The following OR56A3 variants were observed in gnomAD, a reference collection of about 807,000 sequenced individuals.
OR56A3 encodes the protein olfactory receptor family 56 subfamily A member 3, also known as olfactory receptor 56A3.
In OR56A3, 23 loss-of-function variants were observed where a neutral mutation model predicts 17.5. The observed-to-expected ratio is 1.32, with a 90% CI of 0.95 to 1.87. The LOEUF (loss-of-function observed/expected upper bound fraction) is 1.87, where lower values mean the gene tolerates loss of function less well. Among genes scored for constraint, OR56A3 ranks in the 40% most tolerant of loss-of-function variants. The pLI is 0.00. For missense variants in OR56A3, 366 were observed against 380.1 expected, an observed-to-expected ratio of 0.96 and a Z score of 0.31; for synonymous variants, 175 against 150.6, an observed-to-expected ratio of 1.16 and a Z score of -1.19.
chr11:5,943,834 C>T (rs544171129), intron 1 of OR56A3, among the ~76,000 whole-genome samples: 1 of 152,172 alleles, frequency 6.6e-6, no homozygotes, highest in Admixed American at 6.5e-5. Flanking sequence ...ATGCAATGAG[C>T]AAAGGAATAA....
the OR56A3 span, chr11:5,986,474 T>C: frequency 4.3e-6 from 7 of 1,613,798 alleles, no homozygotes; most frequent in South Asian, 2.2e-5. Flanking sequence ...GGATGCAGGA[T>C]TGTGGAATGG....
the OR56A3 span, among the ~76,000 whole-genome samples, chr11:5,976,571 TG>T: frequency 1.3e-5 from 2 of 152,220 alleles, no homozygotes; most frequent in Non-Finnish European, 2.9e-5. Flanking sequence ...GTCATCATTT[TG>T]ATTACTTGTG....
chr11:5,955,276 G>A (rs1847926528), downstream of OR56A3, among the ~76,000 whole-genome samples: 1 of 152,092 alleles, frequency 6.6e-6, no homozygotes, highest in South Asian at 2.1e-4. Flanking sequence ...GAAACAAGCT[G>A]ATCAGCTTGT....
the OR56A3 span, chr11:6,002,525 G>A: frequency 6.2e-7 from 1 of 1,614,208 alleles, no homozygotes; most frequent in Non-Finnish European, 8.5e-7. Context: ...GAGAAACAAA[G>A]GCATTCCGGG....
the OR56A3 span, among the ~76,000 whole-genome samples, chr11:6,015,953 T>C: frequency 0.063 from 9,608 of 152,202 alleles, 388 homozygotes; most frequent in South Asian, 0.088. Flanking sequence ...GAGAAGGACA[T>C]GAGATTTGCA....
the OR56A3 span, among the ~76,000 whole-genome samples, chr11:5,978,696 A>G: frequency 6.6e-6 from 1 of 151,900 alleles, no homozygotes; most frequent in South Asian, 2.1e-4. Flanking sequence ...TCCTATTTAG[A>G]TGCCTTTTCT....
At chr11:6,010,780 T>C in the OR56A3 span, among the ~76,000 whole-genome samples, 1 of 152,008 alleles carries the variant, frequency 6.6e-6, no homozygotes, top group Non-Finnish European at 1.5e-5. Context: ...ATCTGAGGGA[T>C]TTTTTTATTC....
At chr11:5,958,276 G>T in the OR56A3 span, among the ~76,000 whole-genome samples, 1 of 152,072 alleles carries the variant, frequency 6.6e-6, no homozygotes, top group Non-Finnish European at 1.5e-5. Flanking sequence ...ATAGATGACT[G>T]CAAACAAGGA....
the OR56A3 span, among the ~76,000 whole-genome samples, chr11:5,982,054 G>A: frequency 7.9e-5 from 12 of 152,268 alleles, 1 homozygote; most frequent in East Asian, 3.9e-4. Context: ...GGTGTTCTCC[G>A]TCCCGTGGCA....
chr11:6,003,066 T>C, the OR56A3 span: 7 of 1,613,226 alleles, frequency 4.3e-6, no homozygotes, highest in African/African-American at 1.3e-5. Flanking sequence ...ACATAAAAAG[T>C]ACATTCTAGA....
the OR56A3 span, among the ~76,000 whole-genome samples, chr11:5,985,538 T>G: frequency 6.6e-6 from 1 of 152,192 alleles, no homozygotes; most frequent in Admixed American, 6.5e-5. Flanking sequence ...CAGCACTAAC[T>G]TAGAGGTTTT....
chr11:5,988,453 T>C, the OR56A3 span, among the ~76,000 whole-genome samples: 1 of 152,176 alleles, frequency 6.6e-6, no homozygotes, highest in Non-Finnish European at 1.5e-5. Flanking sequence ...ATTCTAGGAA[T>C]AAAACCTTGG....
At chr11:5,952,728 T>C (rs1016127363), downstream of OR56A3, among the ~76,000 whole-genome samples, 2 of 152,152 alleles carry the variant, frequency 1.3e-5, no homozygotes, top group Non-Finnish European at 2.9e-5. Flanking sequence ...TGCTGGACTT[T>C]AGAGTGCCAA....
At chr11:5,957,023 T>C in the OR56A3 span, among the ~76,000 whole-genome samples, 1 of 152,114 alleles carries the variant, frequency 6.6e-6, no homozygotes, top group Admixed American at 6.6e-5. Flanking sequence ...ACATGGTGGC[T>C]TATGCCTGTA....
At chr11:5,986,631 A>C in the OR56A3 span, 2 of 1,613,928 alleles carry the variant, frequency 1.2e-6, no homozygotes, top group Non-Finnish European at 1.7e-6. Context: ...GGAGCACTGC[A>C]AGGGCTTTGG....
the OR56A3 span, among the ~76,000 whole-genome samples, chr11:5,998,702 A>G: frequency 6.6e-6 from 1 of 152,208 alleles, no homozygotes; most frequent in African/African-American, 2.4e-5. Flanking sequence ...GACAGCATTT[A>G]TGGACTCTGT....
In OR56A3 at chr11:5,947,485, A is replaced by T; in HGVS notation, c.139A>T (p.Thr47Ser). 1 of 1,613,818 alleles carries T rather than the reference A, an allele frequency of 6.2e-7. No homozygotes were observed. The highest frequency in any genetic ancestry group is 2.2e-5 in the East Asian group (1 of 44,846). ...LLFLLAVGAN[T>S]TLLMTIWLEA... is the part of the protein sequence containing the mutation. Reference sequence around the variant, plus strand: ...TTTCCTCTTGGCCGTAGGGGCCAACACCACCCTCCTGATGACCATCTGGCT... The same window carrying T: ...TTTCCTCTTGGCCGTAGGGGCCAACTCCACCCTCCTGATGACCATCTGGCT... The change falls in exon 3 of 3, where the codon ACC becomes TCC. Residue 47 changes from threonine to serine, a missense_variant. Physicochemically the swap from Thr to Ser is moderately conservative, Grantham distance 58. Transcript: ENST00000641160.
chr11:5,995,119 C>T, the OR56A3 span: 7,666 of 577,976 alleles, frequency 0.013, 406 homozygotes, highest in African/African-American at 0.12. Context: ...GCCCAGGGAC[C>T]GGTAGTTGGT....
the OR56A3 span, among the ~76,000 whole-genome samples, chr11:5,973,299 CATAAA>C: frequency 6.6e-6 from 1 of 152,066 alleles, no homozygotes; most frequent in African/African-American, 2.4e-5. Context: ...TCCCATTGTT[CATAAA>C]ATAAAACCAA....
Sources: gnomAD v4.1 joint callset for allele counts (sites outside exome capture counted in the v4.1 genomes callset) on GRCh38, gnomAD v4.1.1 for gene constraint, MANE v1.5 for transcripts, NCBI Gene and HGNC (gene_info 2026-07-23, HGNC 2026-07-21) for gene names.